COL4A4: variants seen among roughly 807,000 people sequenced by gnomAD.
COL4A4 encodes collagen alpha-4(IV) chain.
A neutral mutation model predicts 192.9 loss-of-function variants in COL4A4; 105 were observed. The observed-to-expected ratio is 0.54, with a 90% CI of 0.46 to 0.64. The LOEUF is 0.64. COL4A4 is among the 30% of genes least tolerant of loss of function. The probability of loss-of-function intolerance (pLI) is 0.00; values close to 1 mark genes in which losing one functional copy is unlikely to be tolerated. For missense variants in COL4A4, 1,967 were observed against 2,169.3 expected (o/e 0.91, Z 1.85); for synonymous variants, 762 against 769.9 (o/e 0.99, Z 0.17).
chr2:226,990,796 T>C, the COL4A4 span, among the ~76,000 whole-genome samples: 2 of 152,218 alleles, frequency 1.3e-5, no homozygotes, highest in African/African-American at 4.8e-5. Context: ...TGAGGTTCTT[T>C]GAAGCATGCT....
Position 227,077,992 on chromosome 2 carries a change from G to A in COL4A4, c.1889C>T (p.Pro630Leu), listed in dbSNP as rs2059124597. The change falls in exon 25 of 48, where the codon CCA becomes CTA. Residue 630 changes from proline to leucine, a missense_variant. Pro to Leu is a moderately conservative substitution (Grantham distance 98, BLOSUM62 -3). Coordinates refer to ENST00000396625, the MANE Select transcript of COL4A4 (RefSeq NM_000092.5). ...TGGTGGACCAGGAAATCCCAGTCCT[G>A]GGGGCCCCACAGGTCCTGCTTTGCC... ...PPGKAGPVGP[P>L]GLGFPGPPGE... The A allele has an allele frequency of 1.2e-6, 2 of 1,613,686 alleles. No individual in the cohort carries two copies. Among genetic ancestry groups the A allele is most frequent in the South Asian group, 1.1e-5 (1 of 91,056 alleles).
In COL4A4 at chr2:227,062,590, T is replaced by C. The variant is rs1206960358; in HGVS notation, c.1996A>G (p.Ile666Val). 2.5e-6 allele frequency: 4 copies of C among 1,612,290 alleles called. No individual in the cohort carries two copies. Among genetic ancestry groups the C allele is most frequent in the African/African-American group, 2.7e-5 (2 of 74,946 alleles). ...DGLKGQKGDTISCNVTYPGRH... is the reference protein window; with the variant it reads ...DGLKGQKGDTVSCNVTYPGRH... ...CCAGGGTAGGTTACGTTGCAAGAAA[T>C]TGTGTCACCTGCAATGAGAAAAGAA... The change falls in exon 26 of 48, where the codon ATT becomes GTT. Residue 666 changes from isoleucine to valine, a missense_variant. Ile to Val is a conservative substitution (Grantham distance 29). Coordinates refer to ENST00000396625, the MANE Select transcript of COL4A4 (RefSeq NM_000092.5).
At position 227,109,246 on chromosome 2, in the gene COL4A4, T is replaced by G; in HGVS notation, c.635A>C (p.Tyr212Ser). The G allele has an allele frequency of 1.2e-6, 2 of 1,614,162 alleles. No homozygotes were observed. The highest frequency in any genetic ancestry group is 1.7e-6 in the Non-Finnish European group (2 of 1,179,998). ...TACCACTAACCCTGGCTCTCCAGGA[T>G]ATCCTGTGGGACCTGCCGGTCCTCC... ...GAGGPAGPTG[Y>S]PGEPGLVGPP... The change falls in exon 10 of 48, where the codon TAT becomes TCT. Residue 212 changes from tyrosine to serine, a missense_variant. By Grantham distance (144) the Tyr-to-Ser change is moderately radical (BLOSUM62 -2). Transcript: ENST00000396625.
chr2:227,108,941 C>T, intron 10 of COL4A4, 73 bp from the exon 11 acceptor site: 1 of 1,417,388 alleles, frequency 7.1e-7, no homozygotes, highest in East Asian at 2.3e-5. Context: ...TTTTGTTACC[C>T]CAAAATAGGG....
chr2:227,007,122 T>G lies in COL4A4; in HGVS notation c.*203A>C. 1.4e-6 allele frequency: 1 copy of G among 706,138 alleles called. No homozygotes were observed. Among genetic ancestry groups the G allele is most frequent in the Non-Finnish European group, 2.5e-6 (1 of 403,340 alleles). 43.7% of individuals were successfully genotyped at this position (706,138 alleles called of 1,614,324 possible). A position where few individuals can be genotyped will look rare whatever the true frequency, so the allele number is the denominator to read the frequency against. On this transcript the variant is annotated 3_prime_UTR_variant, in exon 48 of 48. Coordinates refer to ENST00000396625, the MANE Select transcript of COL4A4 (RefSeq NM_000092.5). ...ATAAGAGTATCTAGGCTCCCTAGATTGGGAGGTCCAAACAAATCCATCTGT... is the reference window on the plus strand; with the variant it reads ...ATAAGAGTATCTAGGCTCCCTAGATGGGGAGGTCCAAACAAATCCATCTGT...
In COL4A4 at chr2:227,012,060, G is replaced by A; in HGVS notation, c.4333+121C>T. 9 of 786,276 alleles carry A rather than the reference G, an allele frequency of 1.1e-5. No individual in the cohort carries two copies. The South Asian group carries it at 1.3e-4, about 11-fold the overall frequency. 48.7% of individuals were successfully genotyped at this position (786,276 alleles called of 1,614,324 possible). A position where few individuals can be genotyped will look rare whatever the true frequency, so the allele number is the denominator to read the frequency against. On this transcript the variant is annotated intron_variant, in intron 45 of 47. Coordinates refer to ENST00000396625, the MANE Select transcript of COL4A4 (RefSeq NM_000092.5). ...TCTGTCTCTGATACCTGGTGAGTCA[G>A]CATCTAAGGCAAATGATCTGAATAG...
intron 29 of COL4A4, 104 bp downstream of exon 29, chr2:227,057,334 AC>A: frequency 7.5e-7 from 1 of 1,337,812 alleles, no homozygotes. Flanking sequence ...TTTGTCTCTG[AC>A]TCAGGACTCT....
chr2:226,973,937 C>G, the COL4A4 span, among the ~76,000 whole-genome samples: 1 of 152,176 alleles, frequency 6.6e-6, no homozygotes, highest in East Asian at 1.9e-4. Context: ...CGCATGGGCT[C>G]TTTGATAGCA....
intron 31 of COL4A4, 149 bp from the exon 32 acceptor site, chr2:227,052,561 T>C: frequency 1.5e-6 from 1 of 670,082 alleles, no homozygotes; most frequent in South Asian, 1.6e-5. Flanking sequence ...CATTGTTGGC[T>C]GATTTCCTAA....
chr2:227,077,236 A>C (rs943345554), intron 25 of COL4A4, among the ~76,000 whole-genome samples: 1 of 152,232 alleles, frequency 6.6e-6, no homozygotes, highest in Non-Finnish European at 1.5e-5. Context: ...CTTGGAACCA[A>C]ACCAAATGCC....
In COL4A4 at chr2:227,010,507, G is replaced by A. The variant is rs2149745790; in HGVS notation, c.4334-6C>T. 5.8e-6 allele frequency: 9 copies of A among 1,545,770 alleles called. No homozygotes were observed. Among genetic ancestry groups the A allele is most frequent in the South Asian group, 1.2e-5 (1 of 81,546 alleles). ...CCCAATGGGACCAGGAGGCCCTGGA[G>A]GAACAAAGGAAAAAAATTGAAGGCA... On this transcript the variant is annotated splice_region_variant and splice_polypyrimidine_tract_variant and intron_variant, in intron 45 of 47. Coordinates refer to ENST00000396625, the MANE Select transcript of COL4A4 (RefSeq NM_000092.5).
At chr2:227,153,491 T>A (rs1459936891) in intron 1 of COL4A4, among the ~76,000 whole-genome samples, 1 of 152,172 alleles carries the variant, frequency 6.6e-6, no homozygotes, top group Non-Finnish European at 1.5e-5. Context: ...CACCTGATTT[T>A]GTCTCCCCAG....
intron 4 of COL4A4, among the ~76,000 whole-genome samples, chr2:227,135,149 G>C (rs1174542960): frequency 6.6e-6 from 1 of 152,158 alleles, no homozygotes; most frequent in East Asian, 1.9e-4. Flanking sequence ...CTGGTCACAA[G>C]TCATTTGGGA....
chr2:227,032,246 A>G lies in COL4A4; in HGVS notation c.3608T>C (p.Val1203Ala), dbSNP rs377266142. 1.2e-6 allele frequency: 2 copies of G among 1,613,754 alleles called. No homozygotes were observed. Among genetic ancestry groups the G allele is most frequent in the Non-Finnish European group, 1.7e-6 (2 of 1,179,838 alleles). The change falls in exon 39 of 48, where the codon GTG becomes GCG. Residue 1203 changes from valine to alanine, a missense_variant. By Grantham distance (64) the Val-to-Ala change is moderately conservative (BLOSUM62 0). Coordinates refer to ENST00000396625, the MANE Select transcript of COL4A4 (RefSeq NM_000092.5). Reference protein sequence around the residue: ...GLHDVGPPGPVGIPGLKGERG... With the variant: ...GLHDVGPPGPAGIPGLKGERG... ...CTCCCCTTTTAGCCCAGGTATTCCC[A>G]CTGGACCAGGTGGCCCCACATCATG... is the stretch of plus-strand genomic sequence containing the variant.
In COL4A4 at chr2:227,142,739, C is replaced by A. The variant is rs1479208417; in HGVS notation, c.114+1777G>T. Among the ~76,000 whole-genome samples, 147 of 144,458 alleles carry A rather than the reference C, an allele frequency of 1.0e-3. 1 individual carries two copies. Among genetic ancestry groups the A allele is most frequent in the African/African-American group, 3.7e-3 (143 of 38,644 alleles). 94.8% of individuals were successfully genotyped at this position (144,458 alleles called of 152,430 possible). ...CCACTGCACTCCAGCTTGGGTGACA[C>A]AGTGAGACCCTGTCTCACAAAAAAA... is the stretch of plus-strand genomic sequence containing the variant. On this transcript the variant is annotated intron_variant, in intron 3 of 47. Transcript: ENST00000396625.
At chr2:227,092,174 G>C (rs1472159184) in intron 20 of COL4A4, among the ~76,000 whole-genome samples, 2 of 152,120 alleles carry the variant, frequency 1.3e-5, no homozygotes, top group Non-Finnish European at 1.5e-5. Flanking sequence ...TGGAAGCTAG[G>C]AAACAATAGA....
chr2:226,987,511 A>G, the COL4A4 span, among the ~76,000 whole-genome samples: 2 of 152,310 alleles, frequency 1.3e-5, no homozygotes, highest in South Asian at 4.2e-4. Context: ...GCAGCTGGCC[A>G]ATGAGGCAGG....
chr2:227,094,680 G>C (rs564380994), intron 19 of COL4A4, among the ~76,000 whole-genome samples: 25 of 152,288 alleles, frequency 1.6e-4, no homozygotes, highest in African/African-American at 5.5e-4. Flanking sequence ...ATTTTGCTAA[G>C]AGGCTAGATC....
intron 41 of COL4A4, 92 bp downstream of exon 41, chr2:227,030,351 T>C (rs1214659270): frequency 7.2e-7 from 1 of 1,381,522 alleles, no homozygotes; most frequent in Non-Finnish European, 1.0e-6. Context: ...TTTGTTTGCA[T>C]AGGAAATAGA....
Sources: allele counts gnomAD v4.1 joint callset (sites outside exome capture counted in the v4.1 genomes callset), GRCh38; gene constraint gnomAD v4.1.1; transcripts MANE v1.5; gene names NCBI Gene and HGNC (gene_info 2026-07-23, HGNC 2026-07-21).